SPTBN4: variants seen among roughly 807,000 people sequenced by gnomAD.
SPTBN4 encodes the protein spectrin beta, non-erythrocytic 4.
A neutral mutation model predicts 277.8 loss-of-function variants in SPTBN4; 96 were observed. The observed-to-expected ratio is 0.35, with a 90% confidence interval of 0.29 to 0.41. The LOEUF is 0.41. SPTBN4 is among the 10% of genes least tolerant of loss of function. The probability of loss-of-function intolerance (pLI) is 1.00; values close to 1 mark genes in which losing one functional copy is unlikely to be tolerated. For missense variants in SPTBN4, 3,006 were observed against 3,595.7 expected, an observed-to-expected ratio of 0.84 and a Z score of 4.19; for synonymous variants, 1,481 against 1,580.3, an observed-to-expected ratio of 0.94 and a Z score of 1.49.
intron 14 of SPTBN4, among the ~76,000 whole-genome samples, chr19:40,514,563 G>T (rs2145868185): frequency 6.6e-6 from 1 of 152,294 alleles, no homozygotes; most frequent in South Asian, 2.1e-4. Flanking sequence ...TCCCCAACAT[G>T]GGGGCCCAGA....
At position 40,470,102 on chromosome 19, in the gene SPTBN4, G is replaced by A. The variant is rs917081127; in HGVS notation, c.-15-2505G>A. 4.0e-5 allele frequency among the ~76,000 whole-genome samples: 6 copies of A among 151,878 alleles called. No individual in the cohort carries two copies. The East Asian group carries it at 5.8e-4, about 15-fold the overall frequency. ...CAACCTCTGTCTCCCAGGTTCAAGCGATTCTACTGTCTCAGTCTCCTGAGT... is the reference window on the plus strand; with the variant it reads ...CAACCTCTGTCTCCCAGGTTCAAGCAATTCTACTGTCTCAGTCTCCTGAGT... On this transcript the variant is annotated intron_variant, in intron 1 of 35. Transcript: ENST00000598249.
At chr19:40,494,787 C>T in intron 5 of SPTBN4, 110 bp from the exon 6 acceptor site, 3 of 906,154 alleles carry the variant, frequency 3.3e-6, no homozygotes, top group Admixed American at 2.2e-5. Context: ...TGTTCTACCC[C>T]CTCTCTCTCA....
intron 16 of SPTBN4, among the ~76,000 whole-genome samples, chr19:40,522,221 T>C (rs530192145): frequency 2.0e-5 from 3 of 152,018 alleles, no homozygotes; most frequent in East Asian, 3.9e-4. Flanking sequence ...AGAGATGGGA[T>C]TTCACCATGT....
chr19:40,567,298 AAAATAAATAAATAAAT>A lies in SPTBN4; in HGVS notation c.6337-333_6337-318del, dbSNP rs57552574. 615 of 141,856 alleles carry A rather than the reference AAAATAAATAAATAAAT, an allele frequency of 4.3e-3. 4 individuals are homozygous for A. The highest frequency in any genetic ancestry group is 0.015 in the African/African-American group (573 of 37,654). 8.8% of individuals were successfully genotyped at this position (141,856 alleles called of 1,614,324 possible). A position where few individuals can be genotyped will look rare whatever the true frequency, so the allele number is the denominator to read the frequency against. On this transcript the variant is annotated intron_variant, in intron 30 of 35. Transcript: ENST00000598249. ...TGGGCGACAGAGCAAGACTGTCTCA[AAAATAAATAAATAAAT>A]AAATAAATAAATAAATAAATAAATA...
Position 40,572,058 on chromosome 19 carries a change from A to G in SPTBN4, c.7359A>G (p.Glu2453=). 2 of 1,607,578 alleles carry G rather than the reference A, an allele frequency of 1.2e-6. No homozygotes were observed. The highest frequency in any genetic ancestry group is 1.1e-5 in the South Asian group (1 of 90,246). Residue 2453 remains glutamate, a synonymous_variant, in exon 34 of 36, where the codon GAA becomes GAG. Coordinates refer to ENST00000598249, the MANE Select transcript of SPTBN4 (RefSeq NM_020971.3). ...TGTACTGTGTGCTTAGTAAGGGGGA[A>G]CTGGGCTTCTACAAGGACTCCAAGG... is the stretch of plus-strand genomic sequence containing the variant. ...VSLYCVLSKG[E]LGFYKDSKGP...
intron 1 of SPTBN4, 64 bp downstream of exon 1, chr19:40,467,369 C>T (rs993348118): frequency 1.3e-5 from 2 of 152,222 alleles, no homozygotes; most frequent in African/African-American, 2.4e-5. Flanking sequence ...GAGCATCCCT[C>T]CTCCGCGCGC....
chr19:40,572,202 C>A lies in SPTBN4; in HGVS notation c.7493+10C>A, dbSNP rs368870952. The A allele has an allele frequency of 4.4e-6, 7 of 1,594,316 alleles. No individual in the cohort carries two copies. The South Asian group carries it at 5.6e-5, about 13-fold the overall frequency. ...ATGTCTTCAAGCTCCAGTGAGCCCC[C>A]CAATGGGCAGGAGGGAGGGATCCAA... On this transcript the variant is annotated intron_variant, in intron 34 of 35. Coordinates refer to ENST00000598249, the MANE Select transcript of SPTBN4 (RefSeq NM_020971.3).
intron 20 of SPTBN4, among the ~76,000 whole-genome samples, chr19:40,541,195 G>A (rs1240070170): frequency 6.6e-6 from 1 of 152,212 alleles, no homozygotes; most frequent in Non-Finnish European, 1.5e-5. Flanking sequence ...AGAGTACAGA[G>A]TTAGCTCTTC....
intron 5 of SPTBN4, 40 bp from the exon 6 acceptor site, chr19:40,494,857 C>G (rs761864152): frequency 1.3e-6 from 2 of 1,588,166 alleles, no homozygotes; most frequent in East Asian, 2.2e-5. Flanking sequence ...CCTCCTAACT[C>G]TCCCCATCTC....
At chr19:40,532,894 T>C in intron 19 of SPTBN4, 123 bp downstream of exon 19, 1 of 1,216,984 alleles carries the variant, frequency 8.2e-7, no homozygotes, top group Non-Finnish European at 1.1e-6. Context: ...CTGACTCAAA[T>C]CAGCTCCAGA....
chr19:40,565,636 C>G, intron 28 of SPTBN4, 25 bp from the exon 29 acceptor site: 1 of 1,556,384 alleles, frequency 6.4e-7, no homozygotes. Flanking sequence ...CCCTGACTTC[C>G]CTCCCACCCA....
intron 18 of SPTBN4, among the ~76,000 whole-genome samples, chr19:40,530,336 GC>G (rs1464667822): frequency 6.6e-6 from 1 of 151,962 alleles, no homozygotes; most frequent in African/African-American, 2.4e-5. Flanking sequence ...TGGCGCAGAA[GC>G]CCCCCACCCG....
At chr19:40,477,142 C>A (rs2079958219) in intron 2 of SPTBN4, among the ~76,000 whole-genome samples, 1 of 151,714 alleles carries the variant, frequency 6.6e-6, no homozygotes, top group Non-Finnish European at 1.5e-5. Flanking sequence ...TGGGCTTGAG[C>A]AATCCTCCCA....
At chr19:40,531,977 C>G (rs1041125280) in intron 18 of SPTBN4, among the ~76,000 whole-genome samples, 1 of 151,878 alleles carries the variant, frequency 6.6e-6, no homozygotes, top group African/African-American at 2.4e-5. Context: ...CTGGGGAGCC[C>G]TGTGGGCTCA....
At chr19:40,549,791 G>A (rs2080897611) in intron 21 of SPTBN4, among the ~76,000 whole-genome samples, 1 of 152,204 alleles carries the variant, frequency 6.6e-6, no homozygotes, top group Non-Finnish European at 1.5e-5. Context: ...TGATAGTGGG[G>A]CCACAGGGGT....
At position 40,575,776 on chromosome 19, in the gene SPTBN4, T is replaced by G; in HGVS notation, c.*207T>G. 2.0e-6 allele frequency: 1 copy of G among 503,980 alleles called. No individual in the cohort carries two copies. The highest frequency in any genetic ancestry group is 3.3e-6 in the Non-Finnish European group (1 of 306,174). The allele number at this position is 503,980 out of a possible 1,614,324, so 31.2% of individuals were successfully genotyped here. On this transcript the variant is annotated 3_prime_UTR_variant, in exon 36 of 36. Coordinates refer to ENST00000598249, the MANE Select transcript of SPTBN4 (RefSeq NM_020971.3). The stretch of plus-strand genomic sequence containing the variant: ...GCCCCTATAGCCATATCTCGGCCCC[T>G]TCCCACTCACCACCCCCACCCCAGG...
chr19:40,545,779 C>T (rs545293341), intron 20 of SPTBN4, among the ~76,000 whole-genome samples: 10 of 151,996 alleles, frequency 6.6e-5, no homozygotes, highest in South Asian at 6.2e-4. Flanking sequence ...TGGTGGCTCA[C>T]GCCTGTAATC....
intron 12 of SPTBN4, among the ~76,000 whole-genome samples, chr19:40,504,526 G>A (rs542915447): frequency 7.2e-5 from 11 of 152,178 alleles, no homozygotes; most frequent in Admixed American, 2.0e-4. Flanking sequence ...ACAATTAGCC[G>A]GGCGTAGTGG....
At chr19:40,540,567 A>G (rs1426392914) in intron 20 of SPTBN4, among the ~76,000 whole-genome samples, 1 of 151,942 alleles carries the variant, frequency 6.6e-6, no homozygotes, top group Non-Finnish European at 1.5e-5. Flanking sequence ...AAAAAGCAAC[A>G]TGGATGATTG....
Sources: gnomAD v4.1 joint callset for allele counts (sites outside exome capture counted in the v4.1 genomes callset) on GRCh38, gnomAD v4.1.1 for gene constraint, MANE v1.5 for transcripts, NCBI Gene and HGNC (gene_info 2026-07-23, HGNC 2026-07-21) for gene names.